ESRRG: variants seen among roughly 807,000 people sequenced by gnomAD.
ESRRG encodes estrogen related receptor gamma.
A neutral mutation model predicts 44.0 loss-of-function variants in ESRRG; 13 were observed. The observed-to-expected ratio is 0.30, with a 90% CI of 0.19 to 0.47. ESRRG has a LOEUF of 0.47. ESRRG is among the 20% of genes least tolerant of loss of function. The pLI is 1.00. For missense variants in ESRRG, 395 were observed against 580.6 expected, an observed-to-expected ratio of 0.68 and a Z score of 3.29; for synonymous variants, 215 against 214.6, an observed-to-expected ratio of 1.00 and a Z score of -0.02.
chr1:216,549,501 T>G (rs2055601608), intron 5 of ESRRG, among the ~76,000 whole-genome samples: 1 of 152,100 alleles, frequency 6.6e-6, no homozygotes, highest in East Asian at 1.9e-4. Flanking sequence ...GATATTGAGT[T>G]GCCAGGAGAG....
At chr1:216,522,048 G>A (rs908387038) in intron 5 of ESRRG, among the ~76,000 whole-genome samples, 6 of 151,874 alleles carry the variant, frequency 4.0e-5, no homozygotes, top group Non-Finnish European at 5.9e-5. Flanking sequence ...ACAACATTTC[G>A]CACATTTCTT....
At chr1:216,744,369 C>T (rs935733724) in intron 2 of ESRRG, among the ~76,000 whole-genome samples, 2 of 152,052 alleles carry the variant, frequency 1.3e-5, no homozygotes, top group African/African-American at 2.4e-5. Context: ...ATATTCTTGC[C>T]TTGGGAAGTA....
intron 1 of ESRRG, among the ~76,000 whole-genome samples, chr1:217,020,829 A>C (rs1328493241): frequency 6.6e-6 from 1 of 152,230 alleles, no homozygotes; most frequent in Non-Finnish European, 1.5e-5. Flanking sequence ...AACAAATGTA[A>C]ATAAATTACT....
At chr1:216,889,026 G>C (rs943595339) in intron 2 of ESRRG, among the ~76,000 whole-genome samples, 2 of 152,180 alleles carry the variant, frequency 1.3e-5, no homozygotes, top group Non-Finnish European at 2.9e-5. Flanking sequence ...AAAGGTAAAG[G>C]ACAGAATTTC....
At chr1:216,760,631 A>C (rs1324973138) in intron 2 of ESRRG, among the ~76,000 whole-genome samples, 1 of 152,036 alleles carries the variant, frequency 6.6e-6, no homozygotes, top group Non-Finnish European at 1.5e-5. Context: ...AGTAATTTAA[A>C]TTGAGAGGGA....
intron 1 of ESRRG, among the ~76,000 whole-genome samples, chr1:217,066,836 A>G (rs1417069651): frequency 6.6e-6 from 1 of 152,162 alleles, no homozygotes; most frequent in Non-Finnish European, 1.5e-5. Context: ...TCTTTGGGGG[A>G]CAAAATTGCC....
At chr1:216,798,960 C>T (rs2094543812) in intron 2 of ESRRG, among the ~76,000 whole-genome samples, 1 of 152,042 alleles carries the variant, frequency 6.6e-6, no homozygotes, top group South Asian at 2.1e-4. Context: ...CAGATTTAGA[C>T]CTAAATCAGC....
At chr1:216,562,812 G>A (rs1196686841) in intron 5 of ESRRG, among the ~76,000 whole-genome samples, 1 of 152,116 alleles carries the variant, frequency 6.6e-6, no homozygotes, top group East Asian at 1.9e-4. Context: ...ACAAATGTGA[G>A]TCTTGTTTCT....
intron 1 of ESRRG, among the ~76,000 whole-genome samples, chr1:217,051,122 G>A (rs1483920912): frequency 1.3e-5 from 2 of 149,604 alleles, no homozygotes; most frequent in Non-Finnish European, 3.0e-5. Flanking sequence ...CTAAGGCCTA[G>A]TACTGGCCAG....
At chr1:217,095,174 A>G (rs966396678) in intron 1 of ESRRG, among the ~76,000 whole-genome samples, 7 of 152,252 alleles carry the variant, frequency 4.6e-5, no homozygotes, top group Non-Finnish European at 7.3e-5. Flanking sequence ...TATAAAGAAT[A>G]ACACATTCAT....
intron 1 of ESRRG, among the ~76,000 whole-genome samples, chr1:217,082,818 T>C (rs1344570708): frequency 2.6e-5 from 4 of 152,228 alleles, no homozygotes; most frequent in African/African-American, 9.7e-5. Flanking sequence ...TTAAAAGCCA[T>C]ATCTTATCAC....
chr1:216,805,642 C>A (rs1431250990), intron 2 of ESRRG, among the ~76,000 whole-genome samples: 1 of 151,680 alleles, frequency 6.6e-6, no homozygotes, highest in Non-Finnish European at 1.5e-5. Flanking sequence ...TACAGTCTGT[C>A]AAACTGAAAG....
At chr1:216,915,954 G>A (rs1031120693) in intron 2 of ESRRG, among the ~76,000 whole-genome samples, 3 of 152,120 alleles carry the variant, frequency 2.0e-5, no homozygotes, top group East Asian at 3.9e-4. Flanking sequence ...TATTCGCCAC[G>A]GGAGGGAGGA....
At chr1:216,931,436 T>A (rs11572496) in intron 2 of ESRRG, among the ~76,000 whole-genome samples, 1 of 152,138 alleles carries the variant, frequency 6.6e-6, no homozygotes, top group Non-Finnish European at 1.5e-5. Context: ...TGCTCCTTCC[T>A]TATTCTGGAA....
At chr1:216,734,453 C>T (rs889595834) in intron 2 of ESRRG, among the ~76,000 whole-genome samples, 1 of 152,058 alleles carries the variant, frequency 6.6e-6, no homozygotes, top group Non-Finnish European at 1.5e-5. Context: ...TGGTAGTTCA[C>T]TAGAAAGCTG....
At chr1:216,768,836 C>A (rs2093240968) in intron 2 of ESRRG, among the ~76,000 whole-genome samples, 1 of 152,058 alleles carries the variant, frequency 6.6e-6, no homozygotes, top group African/African-American at 2.4e-5. Flanking sequence ...TACAAGGAAG[C>A]TCAACCTCAG....
chr1:216,952,663 C>G (rs956439029), intron 1 of ESRRG, among the ~76,000 whole-genome samples: 2 of 152,024 alleles, frequency 1.3e-5, no homozygotes, highest in Non-Finnish European at 2.9e-5. Context: ...GAGAGTCATG[C>G]AAGATAGCAA....
intron 1 of ESRRG, among the ~76,000 whole-genome samples, chr1:216,972,840 G>A (rs942185146): frequency 6.6e-6 from 1 of 152,192 alleles, no homozygotes; most frequent in Non-Finnish European, 1.5e-5. Flanking sequence ...CAGTGCAGGT[G>A]CGTGTAAAAG....
At chr1:216,758,043 A>G (rs2092558819) in intron 2 of ESRRG, among the ~76,000 whole-genome samples, 2 of 152,060 alleles carry the variant, frequency 1.3e-5, no homozygotes, top group Admixed American at 6.6e-5. Flanking sequence ...TTGTCATGAA[A>G]TTATGATGAC....
Sources: allele counts gnomAD v4.1 joint callset (sites outside exome capture counted in the v4.1 genomes callset), GRCh38; gene constraint gnomAD v4.1.1; transcripts MANE v1.5; gene names NCBI Gene and HGNC (gene_info 2026-07-23, HGNC 2026-07-21).